Variants in ABHD12B observed in about 807,000 individuals in gnomAD.
The protein encoded by ABHD12B is protein ABHD12B.
A neutral mutation model predicts 50.4 loss-of-function variants in ABHD12B; 42 were observed. The ratio of observed to expected loss-of-function variants is 0.83; its 90% confidence interval spans 0.65 to 1.08. The LOEUF (loss-of-function observed/expected upper bound fraction) is 1.08. Ranked by LOEUF, ABHD12B falls within the 50% of genes least tolerant of loss-of-function variation. The pLI, the probability that ABHD12B is intolerant of heterozygous loss-of-function variation, is 0.00. For synonymous variants in ABHD12B, 167 were observed against 160.3 expected (o/e 1.04, Z -0.32); for missense variants, 479 against 447.7 (o/e 1.07, Z -0.63).
chr14:50,872,073 G>A lies in ABHD12B; in HGVS notation c.-102G>A. 1.2e-6 allele frequency: 1 copy of A among 867,966 alleles called. No homozygotes were observed. The highest frequency in any genetic ancestry group is 1.5e-6 in the Non-Finnish European group (1 of 668,590). The allele number at this position is 867,966 out of a possible 1,614,324, so 53.8% of individuals were successfully genotyped here. A position where few individuals can be genotyped will look rare whatever the true frequency, so the allele number is the denominator to read the frequency against. ...GTACCAGCCTGCCTGACCGCGCGGAGGAGGAGGGCGGGCGCGGTGCCGCCG... is the reference window on the plus strand; with the variant it reads ...GTACCAGCCTGCCTGACCGCGCGGAAGAGGAGGGCGGGCGCGGTGCCGCCG... On this transcript the variant is annotated 5_prime_UTR_variant, in exon 1 of 13. Coordinates refer to ENST00000337334, the MANE Select transcript of ABHD12B (RefSeq NM_001206673.2).
chr14:50,903,559 G>A (rs1478244586), intron 11 of ABHD12B, 92 bp downstream of exon 11: 14 of 1,035,090 alleles, frequency 1.4e-5, no homozygotes, highest in Non-Finnish European at 1.7e-5. Flanking sequence ...CCGAAAGGAG[G>A]GTCTCTGACA....
Position 50,881,563 on chromosome 14 carries a change from CTT to C in ABHD12B, c.456-17_456-16del, listed in dbSNP as rs34965747. 451 of 1,409,982 alleles carry C rather than the reference CTT, an allele frequency of 3.2e-4. No homozygotes were observed. The African/African-American group carries it at 4.1e-3, about 13-fold the overall frequency. 87.3% of individuals were successfully genotyped at this position (1,409,982 alleles called of 1,614,324 possible). ...TTGTTATCATCGTTCCTAATTCTTG[CTT>C]TTTTTTTTTTTTTTTAAACTTCCTT... is the stretch of plus-strand genomic sequence containing the variant. On this transcript the variant is annotated intron_variant, in intron 4 of 12. Coordinates refer to ENST00000337334, the MANE Select transcript of ABHD12B (RefSeq NM_001206673.2).
At position 50,886,720 on chromosome 14, in the gene ABHD12B, C is replaced by T. The variant is rs751282403; in HGVS notation, c.700+36C>T. ...ATGCTTAAGTGGTATAATTTCCCATCTTCAGATGGGAAAGTAAAAACAGTC... is the reference window on the plus strand; with the variant it reads ...ATGCTTAAGTGGTATAATTTCCCATTTTCAGATGGGAAAGTAAAAACAGTC... On this transcript the variant is annotated intron_variant, in intron 8 of 12. Coordinates refer to ENST00000337334, the MANE Select transcript of ABHD12B (RefSeq NM_001206673.2). 5.1e-6 allele frequency: 8 copies of T among 1,572,974 alleles called. No homozygotes were observed. In the South Asian group the frequency reaches 9.0e-5, roughly 18 times the overall value.
chr14:50,903,416 C>T lies in ABHD12B; in HGVS notation c.891C>T (p.Leu297=), dbSNP rs201778746. ...ENVKFLSSPL[L]ILHGEDDRTV... ...TTAAATTCCTTTCTTCTCCTCTTCT[C>T]ATCTTACATGGAGAGGATGACAGGA... Residue 297 remains leucine, a synonymous_variant, in exon 11 of 13, where the codon CTC becomes CTT. Transcript: ENST00000337334. 160 of 1,612,324 alleles carry T rather than the reference C, an allele frequency of 9.9e-5. No individual in the cohort carries two copies. The highest frequency in any genetic ancestry group is 1.3e-4 in the Non-Finnish European group (151 of 1,178,920).
intron 9 of ABHD12B, chr14:50,893,264 A>G (rs2050144579): frequency 6.5e-6 from 1 of 153,962 alleles, no homozygotes; most frequent in African/African-American, 2.4e-5. Context: ...AGAAGTGAAT[A>G]TGCCCTGCCC....
chr14:50,894,710 C>G (rs2050170715), intron 9 of ABHD12B, among the ~76,000 whole-genome samples: 1 of 151,560 alleles, frequency 6.6e-6, no homozygotes, highest in South Asian at 2.1e-4. Flanking sequence ...TTTTACACAT[C>G]AGTCCCTTCC....
chr14:50,896,003 C>T (rs374048597), intron 9 of ABHD12B, among the ~76,000 whole-genome samples: 64 of 152,154 alleles, frequency 4.2e-4, no homozygotes, highest in Non-Finnish European at 8.2e-4. Context: ...ATCTCATTGC[C>T]GCCCTTCTTC....
Position 50,879,100 on chromosome 14 carries a change from C to G in ABHD12B, c.335+253C>G, listed in dbSNP as rs115753034. On this transcript the variant is annotated intron_variant, in intron 3 of 12. Coordinates refer to ENST00000337334, the MANE Select transcript of ABHD12B (RefSeq NM_001206673.2). ...CCCTTCTGCCTTATTCCATACCACCCTTGCCTTCATGCCCTTAACTCCAGA... is the reference window on the plus strand; with the variant it reads ...CCCTTCTGCCTTATTCCATACCACCGTTGCCTTCATGCCCTTAACTCCAGA... 2.9e-3 allele frequency among the ~76,000 whole-genome samples: 438 copies of G among 152,314 alleles called. 5 individuals are homozygous for G. Among genetic ancestry groups the G allele is most frequent in the African/African-American group, 0.01 (422 of 41,560 alleles).
At chr14:50,875,926 A>G (rs2049857402) in intron 1 of ABHD12B, among the ~76,000 whole-genome samples, 1 of 152,150 alleles carries the variant, frequency 6.6e-6, no homozygotes, top group African/African-American at 2.4e-5. Context: ...CCTACCTTCA[A>G]AAGACAGCTT....
At chr14:50,888,776 T>C (rs2050075627) in intron 8 of ABHD12B, 48 bp from the exon 9 acceptor site, 5 of 1,533,382 alleles carry the variant, frequency 3.3e-6, no homozygotes, top group Non-Finnish European at 4.5e-6. Flanking sequence ...AAGATGGTAT[T>C]TGAATAGGGG....
At chr14:50,884,303 T>A (rs11157778) in intron 5 of ABHD12B, among the ~76,000 whole-genome samples, 1 of 152,362 alleles carries the variant, frequency 6.6e-6, no homozygotes, top group South Asian at 2.1e-4. Context: ...GCAACACACA[T>A]GCATATTCCC....
rs34356058 is a variant in ABHD12B at position 50,901,814 on chromosome 14, C to CT, written c.781-9dup. ...ATGGGGCAAATATTAATTTTTTTTTCTTTTTTAAAAATAGATTTACCGGAA... is the reference window on the plus strand; with the variant it reads ...ATGGGGCAAATATTAATTTTTTTTTCTTTTTTTAAAAATAGATTTACCGGAA... On this transcript the variant is annotated splice_polypyrimidine_tract_variant and intron_variant, in intron 9 of 12. Transcript: ENST00000337334. 1 of 1,555,842 alleles carries CT rather than the reference C, an allele frequency of 6.4e-7. No homozygotes were observed.
intron 9 of ABHD12B, among the ~76,000 whole-genome samples, chr14:50,896,529 A>G (rs1430154584): frequency 1.3e-5 from 2 of 151,128 alleles, no homozygotes; most frequent in East Asian, 2.0e-4. Flanking sequence ...ACATTCCACC[A>G]TTGTGATTTG....
intron 9 of ABHD12B, among the ~76,000 whole-genome samples, chr14:50,900,348 C>G (rs1024314727): frequency 6.6e-6 from 1 of 152,188 alleles, no homozygotes; most frequent in Non-Finnish European, 1.5e-5. Flanking sequence ...ACAATAGACT[C>G]ATTTTGTCTT....
At chr14:50,885,504 T>C in intron 5 of ABHD12B, 110 bp from the exon 6 acceptor site, 2 of 1,255,588 alleles carry the variant, frequency 1.6e-6, no homozygotes, top group Non-Finnish European at 2.3e-6. Flanking sequence ...AAGTTAAAAT[T>C]ACCTTTGAAA....
At chr14:50,876,632 A>G (rs1244119133) in intron 1 of ABHD12B, among the ~76,000 whole-genome samples, 2 of 152,174 alleles carry the variant, frequency 1.3e-5, no homozygotes, top group Non-Finnish European at 2.9e-5. Flanking sequence ...GACATCCTGG[A>G]GATCATTATA....
chr14:50,873,267 G>A (rs2049811605), intron 1 of ABHD12B, among the ~76,000 whole-genome samples: 1 of 151,602 alleles, frequency 6.6e-6, no homozygotes, highest in African/African-American at 2.4e-5. Context: ...CTGTTGCCCA[G>A]GCTGGAGTGC....
chr14:50,872,807 G>T (rs1382625811), intron 1 of ABHD12B, among the ~76,000 whole-genome samples: 6 of 152,162 alleles, frequency 3.9e-5, no homozygotes, highest in Non-Finnish European at 8.8e-5. Flanking sequence ...TGCTAAAGAT[G>T]TACATAGTGT....
chr14:50,881,605 GCA>G lies in ABHD12B; in HGVS notation c.468_469del (p.His156GlnfsTer10). On this transcript the variant is annotated frameshift_variant, in exon 5 of 13. Coordinates refer to ENST00000337334, the MANE Select transcript of ABHD12B (RefSeq NM_001206673.2). ...TAAACTTCCTTCACAGGGCAGCTTC[GCA>G]CAGACTGAAGCTGGTAAAGGTATGT... ...HGSAEHRAAS[H>X]RLKLVKVLSD... 1 of 1,586,804 alleles carries G rather than the reference GCA, an allele frequency of 6.3e-7. No homozygotes were observed. The highest frequency in any genetic ancestry group is 2.3e-5 in the East Asian group (1 of 44,256).
Sources: gnomAD v4.1 joint callset for allele counts (sites outside exome capture counted in the v4.1 genomes callset) on GRCh38, gnomAD v4.1.1 for gene constraint, MANE v1.5 for transcripts, NCBI Gene and HGNC (gene_info 2026-07-23, HGNC 2026-07-21) for gene names.